The following MYO5B variants were observed in gnomAD, a reference collection of about 807,000 sequenced individuals.
MYO5B encodes myosin VB.
MYO5B carries 143 observed loss-of-function variants against 229.3 expected under a neutral mutation model. The observed-to-expected ratio is 0.62, with a 90% CI of 0.54 to 0.72. MYO5B has a LOEUF of 0.72. Ranked by LOEUF, MYO5B falls within the 30% of genes least tolerant of loss-of-function variation. The pLI is 0.00. For missense variants in MYO5B, 2,321 were observed against 2,331.0 expected (o/e 1.00, Z 0.09); for synonymous variants, 918 against 885.2 (o/e 1.04, Z -0.66).
At chr18:49,960,699 A>G (rs1284911546) in intron 12 of MYO5B, among the ~76,000 whole-genome samples, 1 of 152,144 alleles carries the variant, frequency 6.6e-6, no homozygotes, top group Non-Finnish European at 1.5e-5. Flanking sequence ...GTGGTGTTCA[A>G]CTCATCTTCT....
chr18:50,148,056 C>A (rs1440771538), intron 1 of MYO5B, among the ~76,000 whole-genome samples: 6 of 150,380 alleles, frequency 4.0e-5, no homozygotes. Context: ...CTACAAACAC[C>A]TCTATGCAAA....
intron 1 of MYO5B, among the ~76,000 whole-genome samples, chr18:50,118,622 ATTTC>A (rs1043930290): frequency 3.2e-5 from 4 of 126,562 alleles, no homozygotes; most frequent in Non-Finnish European, 5.0e-5. Flanking sequence ...CCATGTTGGC[ATTTC>A]TTTTTTTTTT....
intron 4 of MYO5B, among the ~76,000 whole-genome samples, chr18:50,020,274 C>T (rs1288136503): frequency 6.6e-6 from 1 of 152,222 alleles, no homozygotes; most frequent in Non-Finnish European, 1.5e-5. Context: ...ACATAAAACA[C>T]TCATTATGCA....
chr18:50,055,472 C>T (rs777444143), intron 1 of MYO5B, 94 bp from the exon 2 acceptor site: 7 of 967,964 alleles, frequency 7.2e-6, no homozygotes, highest in Non-Finnish European at 1.1e-5. Flanking sequence ...ATCAGGAGAA[C>T]TTCTAAAGCT....
intron 4 of MYO5B, among the ~76,000 whole-genome samples, chr18:50,018,255 C>T (rs988538640): frequency 6.7e-6 from 1 of 150,104 alleles, no homozygotes; most frequent in Non-Finnish European, 1.5e-5. Context: ...CCCAGCTAGT[C>T]ACTCATATCC....
rs1309623243 is a variant in MYO5B at position 50,131,923 on chromosome 18, C to A, written c.27+62844G>T. On this transcript the variant is annotated intron_variant, in intron 1 of 39. Coordinates refer to ENST00000285039, the MANE Select transcript of MYO5B (RefSeq NM_001080467.3). ...AACCAATCACCATCCACAATCAGAT[C>A]TGGACCTGAACTTTTTGTGAAGAGA... 5.9e-5 allele frequency among the ~76,000 whole-genome samples: 9 copies of A among 152,348 alleles called. 1 individual carries two copies. The South Asian group carries it at 1.9e-3, about 32-fold the overall frequency.
chr18:49,930,689 G>A lies in MYO5B; in HGVS notation c.2004-1091C>T, dbSNP rs563774790. 1.2e-4 allele frequency among the ~76,000 whole-genome samples: 19 copies of A among 152,148 alleles called. No individual in the cohort carries two copies. The South Asian group carries it at 3.5e-3, about 28-fold the overall frequency. ...GGGTGGATCACAAGGTCAGGAGATC[G>A]AGACCATCCTGGCTAACACGGTGAA... On this transcript the variant is annotated intron_variant, in intron 16 of 39. Coordinates refer to ENST00000285039, the MANE Select transcript of MYO5B (RefSeq NM_001080467.3).
intron 4 of MYO5B, among the ~76,000 whole-genome samples, chr18:50,007,845 G>A (rs1327529597): frequency 1.3e-5 from 2 of 152,082 alleles, no homozygotes; most frequent in African/African-American, 2.4e-5. Context: ...TTAGTATATA[G>A]ACTTTGCTTA....
At chr18:49,900,298 C>T (rs1047867021) in intron 21 of MYO5B, among the ~76,000 whole-genome samples, 1 of 152,250 alleles carries the variant, frequency 6.6e-6, no homozygotes, top group Non-Finnish European at 1.5e-5. Context: ...CCTTTGCACT[C>T]TTTTCCCTCT....
chr18:49,910,706 G>A (rs371533623), intron 18 of MYO5B, among the ~76,000 whole-genome samples: 8 of 152,188 alleles, frequency 5.3e-5, no homozygotes, highest in Admixed American at 3.9e-4. Flanking sequence ...CTAAGATGAT[G>A]CTGGGAAGAT....
At chr18:50,098,403 T>A (rs931740525) in intron 1 of MYO5B, among the ~76,000 whole-genome samples, 1 of 152,220 alleles carries the variant, frequency 6.6e-6, no homozygotes, top group African/African-American at 2.4e-5. Flanking sequence ...ATAACATTCA[T>A]ATTAGATGTC....
intron 1 of MYO5B, among the ~76,000 whole-genome samples, chr18:50,149,711 A>G (rs2032564079): frequency 6.6e-6 from 1 of 152,072 alleles, no homozygotes. Flanking sequence ...CTTACATGTT[A>G]GACCTAAAAC....
chr18:49,858,344 A>T (rs1209232374), intron 29 of MYO5B, among the ~76,000 whole-genome samples: 1 of 148,118 alleles, frequency 6.8e-6, no homozygotes, highest in Non-Finnish European at 1.5e-5. Context: ...TGTAGGCACC[A>T]CTGCAGTGAT....
chr18:49,878,839 T>C (rs1555796273), intron 24 of MYO5B, 106 bp downstream of exon 24: 1 of 1,344,284 alleles, frequency 7.4e-7, no homozygotes, highest in Non-Finnish European at 1.1e-6. Flanking sequence ...ATATGACACA[T>C]GGACTGAGCA....
chr18:49,914,346 G>A (rs2024989530), intron 17 of MYO5B, among the ~76,000 whole-genome samples: 2 of 152,146 alleles, frequency 1.3e-5, no homozygotes, highest in African/African-American at 4.8e-5. Flanking sequence ...GTGATGGGGG[G>A]CCAGGGAACT....
chr18:50,003,192 G>A (rs111560661), intron 4 of MYO5B, among the ~76,000 whole-genome samples: 3 of 152,282 alleles, frequency 2.0e-5, no homozygotes, highest in African/African-American at 7.2e-5. Context: ...TCACACAAAC[G>A]GTTAGCAATG....
At position 50,087,572 on chromosome 18, in the gene MYO5B, C is replaced by CAAA. The variant is rs3075643; in HGVS notation, c.28-32197_28-32195dup. On this transcript the variant is annotated intron_variant, in intron 1 of 39. Coordinates refer to ENST00000285039, the MANE Select transcript of MYO5B (RefSeq NM_001080467.3). ...TGGGTGACAGAGGAAGACTCCATCT[C>CAAA]AAAAAAAAAAAAAAAAAGAATAAAA... Among the ~76,000 whole-genome samples the CAAA allele has an allele frequency of 7.8e-3, 666 of 85,544 alleles. 10 individuals are homozygous for CAAA. Among genetic ancestry groups the CAAA allele is most frequent in the African/African-American group, 0.019 (503 of 25,924 alleles). The allele number at this position is 85,544 out of a possible 152,430, so 56.1% of individuals were successfully genotyped here. A position where few individuals can be genotyped will look rare whatever the true frequency, so the allele number is the denominator to read the frequency against.
intron 18 of MYO5B, among the ~76,000 whole-genome samples, chr18:49,909,892 T>C (rs2024939097): frequency 6.6e-6 from 1 of 152,228 alleles, no homozygotes; most frequent in South Asian, 2.1e-4. Flanking sequence ...TTTTCATTTG[T>C]TCCATAAATA....
In MYO5B at chr18:49,895,031, C is replaced by T; in HGVS notation, c.2955G>A (p.Val985=). The T allele has an allele frequency of 6.2e-7, 1 of 1,614,088 alleles. No homozygotes were observed. Among genetic ancestry groups the T allele is most frequent in the Non-Finnish European group, 8.5e-7 (1 of 1,180,028 alleles). The change falls in exon 22 of 40, where the codon GTG becomes GTA. Residue 985 remains valine, a synonymous_variant. Coordinates refer to ENST00000285039, the MANE Select transcript of MYO5B (RefSeq NM_001080467.3). The part of the protein sequence containing the change: ...EDTSLRLQEE[V]ESLRTELQRA... ...TCTGCAGCTCTGTGCGCAGGCTCTC[C>T]ACCTCCTCCTGCAGCCTGAGGCTGG...
Sources: gnomAD v4.1 joint callset for allele counts (sites outside exome capture counted in the v4.1 genomes callset) on GRCh38, gnomAD v4.1.1 for gene constraint, MANE v1.5 for transcripts, NCBI Gene and HGNC (gene_info 2026-07-23, HGNC 2026-07-21) for gene names.